The following GNB1 variants were observed in gnomAD, a reference collection of about 807,000 sequenced individuals.
The protein encoded by GNB1 is G protein subunit beta 1, also known as guanine nucleotide-binding protein G(I)/G(S)/G(T) subunit beta-1.
Under a neutral mutation model 42.9 loss-of-function variants are expected in GNB1, and 2 were observed. That is an observed-to-expected ratio of 0.05 (90% confidence interval 0.02 to 0.15). GNB1 has a LOEUF of 0.15. Among genes scored for constraint, GNB1 ranks in the 10% least tolerant of loss-of-function variants. The pLI, the probability that GNB1 is intolerant of heterozygous loss-of-function variation, is 1.00. For synonymous variants in GNB1, 183 were observed against 174.7 expected (o/e 1.05, Z -0.38); for missense variants, 193 against 462.2 (o/e 0.42, Z 5.34).
At chr1:1,815,676 G>T (rs1646844023) in intron 5 of GNB1, 80 bp downstream of exon 5, 1 of 757,770 alleles carries the variant, frequency 1.3e-6, no homozygotes, top group Admixed American at 2.2e-5. Context: ...CACAGCAAAT[G>T]GGTTCAGGTA....
intron 2 of GNB1, among the ~76,000 whole-genome samples, chr1:1,826,698 A>T (rs1012900511): frequency 3.3e-5 from 5 of 152,216 alleles, no homozygotes; most frequent in African/African-American, 1.2e-4. Context: ...CAACACCTTG[A>T]TCCTTATAGG....
chr1:1,798,055 C>T (rs1460268019), intron 7 of GNB1, among the ~76,000 whole-genome samples: 2 of 152,208 alleles, frequency 1.3e-5, no homozygotes, highest in East Asian at 1.9e-4. Context: ...AGCCCTGCAC[C>T]GAGGCATGCA....
At chr1:1,875,650 A>G (rs1649500562) in intron 1 of GNB1, among the ~76,000 whole-genome samples, 1 of 152,204 alleles carries the variant, frequency 6.6e-6, no homozygotes, top group South Asian at 2.1e-4. Flanking sequence ...CTGAGCTTAC[A>G]GGAGTGAGCC....
rs182756485 is a variant in GNB1 at position 1,843,986 on chromosome 1, G to C, written c.-95-4748C>G. The stretch of plus-strand genomic sequence containing the variant: ...CGAGGCGGGCGGATCACGAGGTCAG[G>C]AGATCGAGACCATCCTGGCTAACTC... On this transcript the variant is annotated intron_variant, in intron 1 of 11. Transcript: ENST00000378609. Among the ~76,000 whole-genome samples, 1,251 of 152,178 alleles carry C rather than the reference G, an allele frequency of 8.2e-3. 20 individuals carry two copies. The highest frequency in any genetic ancestry group is 0.029 in the African/African-American group (1,214 of 41,526).
intron 8 of GNB1, among the ~76,000 whole-genome samples, 182 bp downstream of exon 8, chr1:1,793,063 T>C (rs1159401962): frequency 7.8e-6 from 1 of 128,364 alleles, no homozygotes; most frequent in Non-Finnish European, 1.7e-5. Flanking sequence ...AAACTCCATC[T>C]CAAAAAAAAA....
At chr1:1,815,138 A>G (rs1373101427) in intron 5 of GNB1, among the ~76,000 whole-genome samples, 1 of 151,892 alleles carries the variant, frequency 6.6e-6, no homozygotes, top group Non-Finnish European at 1.5e-5. Context: ...AAGAGAAAAG[A>G]AAAGAACAAA....
chr1:1,859,594 G>C (rs1452085921), intron 1 of GNB1, among the ~76,000 whole-genome samples: 1 of 152,012 alleles, frequency 6.6e-6, no homozygotes, highest in South Asian at 2.1e-4. Context: ...AGACGCCAAC[G>C]GAGACTGATT....
At chr1:1,856,018 G>T (rs1648275618) in intron 1 of GNB1, among the ~76,000 whole-genome samples, 1 of 152,130 alleles carries the variant, frequency 6.6e-6, no homozygotes, top group Non-Finnish European at 1.5e-5. Context: ...TTTAATCAAT[G>T]GACTTTCTTC....
In GNB1 at chr1:1,837,553, CTTTTTG is replaced by C. The variant is rs751404747; in HGVS notation, c.-47+1631_-47+1636del. Among the ~76,000 whole-genome samples the C allele has an allele frequency of 1.9e-3, 272 of 146,910 alleles. 4 individuals carry two copies. The highest frequency in any genetic ancestry group is 2.6e-3 in the African/African-American group (105 of 39,686). ...ACAGGCGTGAGCCACCATGCCTGGC[CTTTTTG>C]TTTTTGTTTTTGTTTTTTTGACACG... is the stretch of plus-strand genomic sequence containing the variant. On this transcript the variant is annotated intron_variant, in intron 2 of 11. Coordinates refer to ENST00000378609, the MANE Select transcript of GNB1 (RefSeq NM_002074.5).
At chr1:1,816,012 C>G in intron 4 of GNB1, 150 bp from the exon 5 acceptor site, 3 of 640,102 alleles carry the variant, frequency 4.7e-6, no homozygotes, top group South Asian at 3.6e-5. Flanking sequence ...CTGTGGCATT[C>G]TGCACTGAAC....
intron 1 of GNB1, among the ~76,000 whole-genome samples, chr1:1,853,472 A>G (rs1489063541): frequency 2.6e-5 from 4 of 152,214 alleles, no homozygotes; most frequent in African/African-American, 4.8e-5. Context: ...AGTCTCTTAA[A>G]GAGAAATCCT....
At chr1:1,822,004 A>G (rs1216005994) in intron 3 of GNB1, among the ~76,000 whole-genome samples, 1 of 152,036 alleles carries the variant, frequency 6.6e-6, no homozygotes, top group Non-Finnish European at 1.5e-5. Context: ...GTGTGGCAGC[A>G]TGCTCCTGTA....
intron 7 of GNB1, among the ~76,000 whole-genome samples, chr1:1,801,899 C>T (rs1051547557): frequency 2.6e-5 from 4 of 152,120 alleles, no homozygotes; most frequent in African/African-American, 9.7e-5. Flanking sequence ...TGAAAGGACC[C>T]CCATGAAGGC....
At chr1:1,840,410 C>T (rs1310437543) in intron 1 of GNB1, among the ~76,000 whole-genome samples, 1 of 152,134 alleles carries the variant, frequency 6.6e-6, no homozygotes, top group African/African-American at 2.4e-5. Flanking sequence ...CACCTGTAGT[C>T]CCAGCTACTC....
chr1:1,879,473 G>C (rs1009008394), intron 1 of GNB1, among the ~76,000 whole-genome samples: 7 of 152,164 alleles, frequency 4.6e-5, no homozygotes, highest in Admixed American at 2.0e-4. Context: ...TTGGGAGGCC[G>C]AGGCGGGCAG....
chr1:1,817,874 T>C lies in GNB1; in HGVS notation c.59A>G (p.Asp20Gly). The C allele has an allele frequency of 6.2e-7, 1 of 1,610,462 alleles. No homozygotes were observed. Among genetic ancestry groups the C allele is most frequent in the Non-Finnish European group, 8.5e-7 (1 of 1,176,740 alleles). Residue 20 changes from aspartate (D) to glycine (G), a missense_variant and splice_region_variant, in exon 4 of 12, where the codon GAC becomes GGC. Physicochemically the swap from Asp to Gly is moderately conservative, Grantham distance 94. Around this residue, in one of 2 missense-constraint regions of GNB1, gnomAD observed 43 missense variants for 51.5 expected, o/e 0.84. Transcript: ENST00000378609. The stretch of plus-strand genomic sequence containing the variant: ...TGCATCTGCACATGCTTTCCTGGCG[T>C]CCTGGGAAGCAAGGACAGTGAGAAA... ...EAEQLKNQIR[D>G]ARKACADATL...
intron 1 of GNB1, among the ~76,000 whole-genome samples, chr1:1,865,508 C>T (rs974170672): frequency 6.6e-6 from 1 of 152,102 alleles, no homozygotes; most frequent in African/African-American, 2.4e-5. Flanking sequence ...ATCGCTTGAA[C>T]CCGGGAAGCA....
At position 1,825,468 on chromosome 1, in the gene GNB1, G is replaced by T. The variant is rs1646985928; in HGVS notation, c.-15C>A. ...AGCTCACTCATCTTCCGATCTTAGT[G>T]CTCTTCAATGCCACCTTCAAGAATG... On this transcript the variant is annotated 5_prime_UTR_variant, in exon 3 of 12. Coordinates refer to ENST00000378609, the MANE Select transcript of GNB1 (RefSeq NM_002074.5). The T allele has an allele frequency of 1.3e-6, 2 of 1,584,820 alleles. No homozygotes were observed. The highest frequency in any genetic ancestry group is 1.3e-5 in the African/African-American group (1 of 74,370).
chr1:1,867,635 T>C (rs1389197316), intron 1 of GNB1, among the ~76,000 whole-genome samples: 1 of 152,234 alleles, frequency 6.6e-6, no homozygotes, highest in Non-Finnish European at 1.5e-5. Context: ...GAAATGCTTT[T>C]ATACTAAAAA....
Sources: gnomAD v4.1 joint callset for allele counts (sites outside exome capture counted in the v4.1 genomes callset) on GRCh38, gnomAD v4.1.1 for gene constraint, gnomAD v4.1.1 regional missense constraint, MANE v1.5 for transcripts, NCBI Gene and HGNC (gene_info 2026-07-23, HGNC 2026-07-21) for gene names.